Variants in ACYP2 observed in about 807,000 individuals in gnomAD.
ACYP2 encodes acylphosphatase-2.
A neutral mutation model predicts 11.2 loss-of-function variants in ACYP2; 12 were observed. The ratio of observed to expected loss-of-function variants is 1.08; its 90% CI spans 0.69 to 1.74. The LOEUF is 1.74. Among genes scored for constraint, ACYP2 ranks in the 40% most tolerant of loss-of-function variants. The pLI, the probability that ACYP2 is intolerant of heterozygous loss-of-function variation, is 0.00. For synonymous variants in ACYP2, 43 were observed against 32.2 expected (o/e 1.33, Z -1.13); for missense variants, 134 against 101.9 (o/e 1.31, Z -1.35).
At chr2:54,201,943 G>T (rs1483019555) in intron 6 of ACYP2, among the ~76,000 whole-genome samples, 2 of 151,860 alleles carry the variant, frequency 1.3e-5, no homozygotes, top group Admixed American at 6.6e-5. Context: ...CCTGACCTGA[G>T]GTGATCCGCT....
chr2:54,210,926 A>C (rs1685308490), intron 6 of ACYP2, among the ~76,000 whole-genome samples: 1 of 152,212 alleles, frequency 6.6e-6, no homozygotes, highest in South Asian at 2.1e-4. Flanking sequence ...ACTTATGACC[A>C]TACTTATTTC....
intron 6 of ACYP2, among the ~76,000 whole-genome samples, chr2:54,270,125 G>A (rs1237105477): frequency 6.6e-6 from 1 of 152,060 alleles, no homozygotes; most frequent in Non-Finnish European, 1.5e-5. Flanking sequence ...AATTTGTTAT[G>A]TATACTAACT....
chr2:54,000,243 C>T (rs1672741768), intron 2 of ACYP2, among the ~76,000 whole-genome samples: 1 of 152,096 alleles, frequency 6.6e-6, no homozygotes, highest in South Asian at 2.1e-4. Flanking sequence ...AGCTATTCCC[C>T]AGACTCTTGT....
At chr2:54,177,025 A>G (rs78816903) in intron 6 of ACYP2, among the ~76,000 whole-genome samples, 3 of 152,322 alleles carry the variant, frequency 2.0e-5, no homozygotes, top group Non-Finnish European at 4.4e-5. Flanking sequence ...TCTTTGTGCT[A>G]GGGAACCTGA....
At chr2:54,114,709 C>CA (rs989588302) in intron 4 of ACYP2, among the ~76,000 whole-genome samples, 3 of 152,016 alleles carry the variant, frequency 2.0e-5, no homozygotes, top group Non-Finnish European at 2.9e-5. Flanking sequence ...AAACCCACAC[C>CA]AAAAAAACTG....
intron 2 of ACYP2, among the ~76,000 whole-genome samples, chr2:54,042,557 T>C (rs1030160760): frequency 2.0e-5 from 3 of 152,244 alleles, no homozygotes; most frequent in African/African-American, 7.2e-5. Flanking sequence ...GGAGAGTGAC[T>C]CACAGAAGTT....
intron 6 of ACYP2, among the ~76,000 whole-genome samples, chr2:54,187,864 A>G (rs1684074065): frequency 6.6e-6 from 1 of 152,056 alleles, no homozygotes; most frequent in Non-Finnish European, 1.5e-5. Context: ...TAATGGGAGG[A>G]GTTTAGGTGG....
chr2:54,083,423 C>A (rs570372804), intron 4 of ACYP2, among the ~76,000 whole-genome samples: 3 of 152,242 alleles, frequency 2.0e-5, no homozygotes, highest in African/African-American at 7.2e-5. Flanking sequence ...ATCTGTGAGC[C>A]GTAAAGACTT....
Position 54,283,590 on chromosome 2 carries a change from C to T in ACYP2, c.405-21098C>T, listed in dbSNP as rs568592113. Among the ~76,000 whole-genome samples the T allele has an allele frequency of 5.9e-5, 9 of 152,306 alleles. No individual in the cohort carries two copies. In the South Asian group the frequency reaches 6.2e-4, roughly 11 times the overall value. On this transcript the variant is annotated intron_variant, in intron 6 of 6. Transcript: ENST00000607452. ...GACTCAAAAGCCCATGGTTTTAAAC[C>T]GTGACTTCGTAGTGCCTTCTGGATC... is the stretch of plus-strand genomic sequence containing the variant.
chr2:54,144,367 C>T (rs150542386), intron 6 of ACYP2, among the ~76,000 whole-genome samples: 212 of 151,970 alleles, frequency 1.4e-3, no homozygotes, highest in African/African-American at 4.3e-3. Context: ...AAATTTGTTG[C>T]GATAAATTTT....
At chr2:54,012,094 G>C (rs144398927) in intron 2 of ACYP2, among the ~76,000 whole-genome samples, 1 of 152,246 alleles carries the variant, frequency 6.6e-6, no homozygotes, top group East Asian at 1.9e-4. Flanking sequence ...AAATTAGCCA[G>C]GCGTGGTGGC....
At chr2:54,006,010 A>T (rs1287115055) in intron 2 of ACYP2, among the ~76,000 whole-genome samples, 2 of 151,678 alleles carry the variant, frequency 1.3e-5, no homozygotes, top group Admixed American at 6.6e-5. Context: ...GTGAGACTTC[A>T]TCTCACTCTG....
At chr2:54,018,803 A>C (rs1180281390) in intron 2 of ACYP2, among the ~76,000 whole-genome samples, 1 of 152,086 alleles carries the variant, frequency 6.6e-6, no homozygotes, top group African/African-American at 2.4e-5. Context: ...GCTGGAGTGC[A>C]ATGGCTCCAT....
chr2:54,222,239 G>C (rs1217475939), intron 6 of ACYP2, among the ~76,000 whole-genome samples: 1 of 152,016 alleles, frequency 6.6e-6, no homozygotes, highest in Non-Finnish European at 1.5e-5. Context: ...TTTGTGTTTG[G>C]GTGGAACTAG....
intron 6 of ACYP2, among the ~76,000 whole-genome samples, chr2:54,191,278 CCT>C (rs1376198543): frequency 6.6e-6 from 1 of 152,124 alleles, no homozygotes; most frequent in South Asian, 2.1e-4. Context: ...GCCGTACCAT[CCT>C]CTCTCTCTGA....
chr2:54,042,835 A>G (rs1203674613), intron 2 of ACYP2, among the ~76,000 whole-genome samples: 1 of 152,240 alleles, frequency 6.6e-6, no homozygotes, highest in Non-Finnish European at 1.5e-5. Flanking sequence ...TCCAAGTTGG[A>G]GATCAGAGAG....
chr2:54,034,327 C>T (rs1039246550), intron 2 of ACYP2, among the ~76,000 whole-genome samples: 1 of 152,204 alleles, frequency 6.6e-6, no homozygotes, highest in Admixed American at 6.5e-5. Context: ...CACTGCACTG[C>T]AGCTTGGGCA....
chr2:54,013,555 C>A (rs571836471), intron 2 of ACYP2, among the ~76,000 whole-genome samples: 2 of 151,908 alleles, frequency 1.3e-5, no homozygotes, highest in Non-Finnish European at 2.9e-5. Flanking sequence ...CCACCTCGTC[C>A]TTCCAAAGTG....
chr2:54,026,435 A>G lies in ACYP2; in HGVS notation c.63-24523A>G, dbSNP rs143949003. 3.3e-5 allele frequency among the ~76,000 whole-genome samples: 5 copies of G among 152,340 alleles called. No individual in the cohort carries two copies. The East Asian group carries it at 9.6e-4, about 29-fold the overall frequency. On this transcript the variant is annotated intron_variant, in intron 2 of 6. Coordinates refer to ENST00000607452, the MANE Select transcript of ACYP2 (RefSeq NM_001320586.2). The stretch of plus-strand genomic sequence containing the variant: ...AGATGTTGGCATGAATGTGGTGAAA[A>G]GGGAACACTTTTACACTGCTGGTGG...
Sources: allele counts gnomAD v4.1 joint callset (sites outside exome capture counted in the v4.1 genomes callset), GRCh38; gene constraint gnomAD v4.1.1; transcripts MANE v1.5; gene names NCBI Gene and HGNC (gene_info 2026-07-23, HGNC 2026-07-21).